LRRC39: variants seen among roughly 807,000 people sequenced by gnomAD.
The protein encoded by LRRC39 is leucine-rich repeat-containing protein 39.
A neutral mutation model predicts 39.7 loss-of-function variants in LRRC39; 35 were observed. The observed-to-expected ratio is 0.88, with a 90% CI of 0.67 to 1.17. LRRC39 has a LOEUF of 1.17. LRRC39 is among the 50% of genes most tolerant of loss of function. The pLI is 0.00. For synonymous variants in LRRC39, 113 were observed against 134.1 expected, an observed-to-expected ratio of 0.84 and a Z score of 1.09; for missense variants, 357 against 385.8, an observed-to-expected ratio of 0.93 and a Z score of 0.62.
chr1:100,152,601 T>C, intron 8 of LRRC39, 77 bp from the exon 9 acceptor site: 2 of 1,472,828 alleles, frequency 1.4e-6, no homozygotes, highest in Non-Finnish European at 1.9e-6. Flanking sequence ...AAAGGTCAAA[T>C]GATAATATAC....
At chr1:100,152,744 A>G (rs1381782700) in intron 8 of LRRC39, among the ~76,000 whole-genome samples, 2 of 151,832 alleles carry the variant, frequency 1.3e-5, no homozygotes, top group Non-Finnish European at 2.9e-5. Flanking sequence ...CAAAGCTTAT[A>G]AAAGCAACTG....
chr1:100,148,559 A>C lies in LRRC39; in HGVS notation c.*483T>G. On this transcript the variant is annotated 3_prime_UTR_variant, in exon 10 of 10. Coordinates refer to ENST00000370137, the MANE Select transcript of LRRC39 (RefSeq NM_144620.4). ...TAACAGTCTCTCAATAAATAGTGAC[A>C]AAAATAATTTTTTATAAACTTTTGC... 1 of 1,446,808 alleles carries C rather than the reference A, an allele frequency of 6.9e-7. No individual in the cohort carries two copies. The highest frequency in any genetic ancestry group is 9.5e-7 in the Non-Finnish European group (1 of 1,054,588). The allele number at this position is 1,446,808 out of a possible 1,614,324, so 89.6% of individuals were successfully genotyped here.
At chr1:100,154,017 T>C (rs974503129) in intron 8 of LRRC39, among the ~76,000 whole-genome samples, 4 of 152,224 alleles carry the variant, frequency 2.6e-5, no homozygotes. Flanking sequence ...TGAAGTTTTT[T>C]TAGCTGTATA....
chr1:100,158,111 A>G (rs1163230799), intron 6 of LRRC39, 120 bp downstream of exon 6: 1 of 1,120,422 alleles, frequency 8.9e-7, no homozygotes, highest in Non-Finnish European at 1.3e-6. Flanking sequence ...TTTTCTCTAA[A>G]TATTTTTTCT....
chr1:100,169,273 G>T (rs1659442864), intron 2 of LRRC39, among the ~76,000 whole-genome samples: 1 of 151,956 alleles, frequency 6.6e-6, no homozygotes, highest in African/African-American at 2.4e-5. Context: ...GGAATGCAAA[G>T]ACATTCACAA....
intron 3 of LRRC39, among the ~76,000 whole-genome samples, chr1:100,163,402 G>T (rs1659021435): frequency 6.6e-6 from 1 of 151,982 alleles, no homozygotes; most frequent in Non-Finnish European, 1.5e-5. Flanking sequence ...TTCCATCTCT[G>T]TAAAGATCGC....
At chr1:100,159,841 T>G (rs987530560) in intron 4 of LRRC39, among the ~76,000 whole-genome samples, 3 of 152,158 alleles carry the variant, frequency 2.0e-5, no homozygotes, top group Non-Finnish European at 4.4e-5. Flanking sequence ...CACGAATATT[T>G]TTAAAAATTT....
intron 2 of LRRC39, 85 bp downstream of exon 2, chr1:100,173,246 A>G (rs894913389): frequency 3.3e-5 from 5 of 151,608 alleles, no homozygotes; most frequent in Non-Finnish European, 5.9e-5. Context: ...TCTCAAAAAA[A>G]AAACAAAACA....
intron 7 of LRRC39, among the ~76,000 whole-genome samples, 178 bp downstream of exon 7, chr1:100,155,994 T>C (rs1381050125): frequency 1.3e-5 from 2 of 152,334 alleles, no homozygotes; most frequent in Non-Finnish European, 2.9e-5. Flanking sequence ...TTTTTTCTTC[T>C]TCCCAAACCC....
At chr1:100,168,327 A>G in intron 3 of LRRC39, 77 bp downstream of exon 3, 1 of 1,058,656 alleles carries the variant, frequency 9.4e-7, no homozygotes, top group Non-Finnish European at 1.3e-6. Flanking sequence ...ATAACAAGGC[A>G]TTTAGAATGC....
intron 3 of LRRC39, 116 bp from the exon 4 acceptor site, chr1:100,160,687 C>T (rs187284725): frequency 1.8e-5 from 12 of 670,514 alleles, no homozygotes; most frequent in Non-Finnish European, 1.9e-5. Flanking sequence ...TGCAGTGGCC[C>T]GATCTCGGCC....
Position 100,148,903 on chromosome 1 carries a change from T to C in LRRC39, c.*139A>G, listed in dbSNP as rs1657651474. ...TTTTATATCAAAAAAATATATACTT[T>C]AAATAGCAAATAATATGAACTTTAA... is the stretch of plus-strand genomic sequence containing the variant. On this transcript the variant is annotated 3_prime_UTR_variant, in exon 10 of 10. Coordinates refer to ENST00000370137, the MANE Select transcript of LRRC39 (RefSeq NM_144620.4). 6.3e-6 allele frequency: 7 copies of C among 1,114,872 alleles called. No individual in the cohort carries two copies. The East Asian group carries it at 9.3e-5, about 15-fold the overall frequency. The allele number at this position is 1,114,872 out of a possible 1,614,324, so 69.1% of individuals were successfully genotyped here.
chr1:100,166,555 G>A (rs1350052434), intron 3 of LRRC39, among the ~76,000 whole-genome samples: 1 of 152,196 alleles, frequency 6.6e-6, no homozygotes, highest in Non-Finnish European at 1.5e-5. Context: ...CTGCCCTAGA[G>A]ATCTGTGGAA....
chr1:100,156,153 AAAGAGT>A lies in LRRC39; in HGVS notation c.659+13_659+18del. Reference sequence around the variant, plus strand: ...GTTTCAAGACTTTTATCATTAGCATAAAGAGTTATTTCTTTTACCTTTCTATAGTAT... The same window carrying A: ...GTTTCAAGACTTTTATCATTAGCATATATTTCTTTTACCTTTCTATAGTAT... On this transcript the variant is annotated intron_variant, in intron 7 of 9. Coordinates refer to ENST00000370137, the MANE Select transcript of LRRC39 (RefSeq NM_144620.4). The A allele has an allele frequency of 6.2e-7, 1 of 1,602,944 alleles. No homozygotes were observed. The highest frequency in any genetic ancestry group is 8.5e-7 in the Non-Finnish European group (1 of 1,174,542).
chr1:100,149,558 T>C (rs1354237397), intron 9 of LRRC39: 9 of 899,362 alleles, frequency 1.0e-5, no homozygotes. Flanking sequence ...TGAAGTTGAT[T>C]AGCTATCTCA....
chr1:100,161,122 A>G (rs1161914484), intron 3 of LRRC39, among the ~76,000 whole-genome samples: 2 of 152,146 alleles, frequency 1.3e-5, no homozygotes, highest in Admixed American at 6.5e-5. Context: ...CATACTATAA[A>G]AATTACTTTT....
At chr1:100,159,608 T>TTTTC (rs1658728725) in intron 4 of LRRC39, among the ~76,000 whole-genome samples, 193 bp from the exon 5 acceptor site, 10 of 112,850 alleles carry the variant, frequency 8.9e-5, no homozygotes, top group Admixed American at 8.3e-4. Flanking sequence ...TTCTTTTCCT[T>TTTTC]TTTTTTTTTT....
intron 6 of LRRC39, among the ~76,000 whole-genome samples, chr1:100,157,027 T>G (rs1658511222): frequency 1.3e-5 from 2 of 152,162 alleles, no homozygotes; most frequent in South Asian, 4.1e-4. Context: ...TCACATAGCT[T>G]TTATAATGAT....
intron 8 of LRRC39, among the ~76,000 whole-genome samples, chr1:100,154,191 GTATT>G (rs922835919): frequency 1.3e-5 from 2 of 151,986 alleles, no homozygotes; most frequent in Admixed American, 1.3e-4. Flanking sequence ...AATGTCTAAT[GTATT>G]CATTCATTTA....
Sources: gnomAD v4.1 joint callset for allele counts (sites outside exome capture counted in the v4.1 genomes callset) on GRCh38, gnomAD v4.1.1 for gene constraint, MANE v1.5 for transcripts, NCBI Gene and HGNC (gene_info 2026-07-23, HGNC 2026-07-21) for gene names.